Variants in DCC observed in about 807,000 individuals in gnomAD.
DCC encodes netrin receptor DCC.
DCC carries 58 observed loss-of-function variants against 172.5 expected under a neutral mutation model. The observed-to-expected ratio is 0.34, with a 90% confidence interval of 0.27 to 0.42. DCC has a LOEUF of 0.42. Among genes scored for constraint, DCC ranks in the 10% least tolerant of loss-of-function variants. DCC has a pLI of 1.00. For synonymous variants in DCC, 709 were observed against 644.5 expected (o/e 1.10, Z -1.52); for missense variants, 1,740 against 1,791.0 (o/e 0.97, Z 0.51).
intron 15 of DCC, among the ~76,000 whole-genome samples, chr18:53,347,779 A>G (rs562074723): frequency 6.6e-6 from 1 of 152,260 alleles, no homozygotes; most frequent in East Asian, 1.9e-4. Flanking sequence ...GTCACATCTT[A>G]CATAGAGGGC....
At chr18:52,614,319 G>T (rs888237466) in intron 1 of DCC, among the ~76,000 whole-genome samples, 1 of 152,144 alleles carries the variant, frequency 6.6e-6, no homozygotes, top group Non-Finnish European at 1.5e-5. Context: ...AGGAACTCTG[G>T]CTACTTCTTC....
chr18:53,269,206 C>A (rs565955049), intron 12 of DCC, among the ~76,000 whole-genome samples: 2 of 151,856 alleles, frequency 1.3e-5, no homozygotes, highest in Non-Finnish European at 1.5e-5. Flanking sequence ...AAATAACTAG[C>A]GTATTCTTTA....
chr18:53,076,170 C>CA (rs1376485036), intron 7 of DCC, among the ~76,000 whole-genome samples: 1 of 152,082 alleles, frequency 6.6e-6, no homozygotes, highest in Non-Finnish European at 1.5e-5. Flanking sequence ...ACGTATGATA[C>CA]AACAAGGCAG....
At chr18:52,828,052 G>A (rs2079523162) in intron 2 of DCC, among the ~76,000 whole-genome samples, 1 of 151,950 alleles carries the variant, frequency 6.6e-6, no homozygotes, top group Non-Finnish European at 1.5e-5. Context: ...CTGTGTCCCA[G>A]CTCTAGTATG....
chr18:52,515,553 G>C, intron 1 of DCC, among the ~76,000 whole-genome samples: 1 of 128,146 alleles, frequency 7.8e-6, no homozygotes, highest in Non-Finnish European at 1.6e-5. Flanking sequence ...CTTGCAGTGA[G>C]CCGAGATAGT....
chr18:52,969,619 C>CTCTCTCTCTCTCTCTT (rs1264733827), intron 5 of DCC, among the ~76,000 whole-genome samples: 1 of 138,870 alleles, frequency 7.2e-6, no homozygotes, highest in African/African-American at 2.6e-5. Flanking sequence ...CTCTCTCTCT[C>CTCTCTCTCTCTCTCTT]TCTTTCTGTG....
chr18:53,418,162 G>A (rs28425741), intron 21 of DCC, among the ~76,000 whole-genome samples: 45 of 152,296 alleles, frequency 3.0e-4, no homozygotes, highest in African/African-American at 9.6e-4. Context: ...AGTTGATCAA[G>A]TTGATAGGTT....
At chr18:52,804,913 T>C (rs753334763) in intron 2 of DCC, among the ~76,000 whole-genome samples, 95 of 152,350 alleles carry the variant, frequency 6.2e-4, no homozygotes, top group Non-Finnish European at 1.1e-3. Context: ...ATATGCCTGG[T>C]GTTTCTTCTA....
intron 5 of DCC, among the ~76,000 whole-genome samples, chr18:53,005,146 G>C (rs191453768): frequency 6.5e-4 from 99 of 152,276 alleles, no homozygotes; most frequent in African/African-American, 2.2e-3. Flanking sequence ...CTCTAGAACT[G>C]TAAGAAATAA....
chr18:52,476,641 A>G (rs1416641126), intron 1 of DCC, among the ~76,000 whole-genome samples: 2 of 152,170 alleles, frequency 1.3e-5, no homozygotes, highest in South Asian at 2.1e-4. Flanking sequence ...AATGAACAAG[A>G]TTCCCATTTT....
chr18:52,551,712 C>A (rs1354145228), intron 1 of DCC, among the ~76,000 whole-genome samples: 1 of 150,088 alleles, frequency 6.7e-6, no homozygotes, highest in East Asian at 2.0e-4. Flanking sequence ...CCCTTTATCA[C>A]CCCTTACTCT....
At chr18:52,837,446 C>T (rs1410879855) in intron 2 of DCC, among the ~76,000 whole-genome samples, 2 of 152,170 alleles carry the variant, frequency 1.3e-5, no homozygotes, top group African/African-American at 4.8e-5. Context: ...AAAATCATCT[C>T]TCTCAAGTTC....
chr18:52,906,166 G>A lies in DCC; in HGVS notation c.535G>A (p.Asp179Asn). The stretch of plus-strand genomic sequence containing the variant: ...AATCCACTGGCAGAAGAACCAACAA[G>A]ACCTGACTCCAATCCCAGGTGACTC... ...PTIHWQKNQQ[D>N]LTPIPGDSRV... Residue 179 changes from aspartate (D) to asparagine (N), a missense_variant, in exon 3 of 29, where the codon GAC (aspartate) becomes AAC (asparagine). This residue lies in a region of DCC where 1,732 missense variants were observed against 1,767.4 expected (regional missense o/e 0.98). Transcript: ENST00000442544. 6.2e-7 allele frequency: 1 copy of A among 1,614,104 alleles called. No homozygotes were observed. Among genetic ancestry groups the A allele is most frequent in the Non-Finnish European group, 8.5e-7 (1 of 1,180,030 alleles).
At chr18:53,319,471 A>C (rs1331216798) in intron 13 of DCC, among the ~76,000 whole-genome samples, 1 of 152,196 alleles carries the variant, frequency 6.6e-6, no homozygotes, top group African/African-American at 2.4e-5. Context: ...TTGCAATCCT[A>C]ATCTCTGATA....
At chr18:52,681,665 G>C (rs141754188) in intron 1 of DCC, among the ~76,000 whole-genome samples, 2 of 152,058 alleles carry the variant, frequency 1.3e-5, no homozygotes, top group African/African-American at 2.4e-5. Flanking sequence ...TGCCACAGAT[G>C]GACCCACTGG....
At chr18:52,506,966 A>G (rs1205628896) in intron 1 of DCC, among the ~76,000 whole-genome samples, 1 of 152,324 alleles carries the variant, frequency 6.6e-6, no homozygotes, top group East Asian at 1.9e-4. Context: ...GATTCTATTG[A>G]TTAAAGGCAG....
At chr18:52,930,201 G>A (rs1306499209) in intron 5 of DCC, among the ~76,000 whole-genome samples, 1 of 152,012 alleles carries the variant, frequency 6.6e-6, no homozygotes, top group Non-Finnish European at 1.5e-5. Flanking sequence ...CTGGGCTGAA[G>A]TGATCCTGCC....
intron 1 of DCC, among the ~76,000 whole-genome samples, chr18:52,451,794 C>T (rs1988314406): frequency 6.6e-6 from 1 of 151,912 alleles, no homozygotes; most frequent in Non-Finnish European, 1.5e-5. Flanking sequence ...TTTTGCAGGT[C>T]CCTGGTGTCT....
chr18:53,000,618 A>G (rs1396588351), intron 5 of DCC, among the ~76,000 whole-genome samples: 2 of 143,310 alleles, frequency 1.4e-5, no homozygotes, highest in Non-Finnish European at 3.0e-5. Flanking sequence ...TTTAACATCC[A>G]GAATCCAACA....
Sources: allele counts gnomAD v4.1 joint callset (sites outside exome capture counted in the v4.1 genomes callset), GRCh38; gene constraint gnomAD v4.1.1; regional missense constraint gnomAD v4.1.1; transcripts MANE v1.5; gene names NCBI Gene and HGNC (gene_info 2026-07-23, HGNC 2026-07-21).